ATRNL1: variants seen among roughly 807,000 people sequenced by gnomAD.
The protein encoded by ATRNL1 is attractin-like protein 1.
Under a neutral mutation model 182.7 loss-of-function variants are expected in ATRNL1, and 95 were observed. That is an observed-to-expected ratio of 0.52 (90% confidence interval 0.44 to 0.62). The LOEUF (loss-of-function observed/expected upper bound fraction) is 0.62. Ranked by LOEUF, ATRNL1 falls within the 20% of genes least tolerant of loss-of-function variation. The pLI is 0.00. For synonymous variants in ATRNL1, 576 were observed against 568.3 expected, an observed-to-expected ratio of 1.01 and a Z score of -0.19; for missense variants, 1,471 against 1,679.5, an observed-to-expected ratio of 0.88 and a Z score of 2.17.
At chr10:115,670,280 C>G (rs1161705769) in intron 26 of ATRNL1, among the ~76,000 whole-genome samples, 1 of 152,022 alleles carries the variant, frequency 6.6e-6, no homozygotes, top group Non-Finnish European at 1.5e-5. Context: ...ATAATAAATT[C>G]TATGTGTTTG....
intron 26 of ATRNL1, among the ~76,000 whole-genome samples, chr10:115,650,115 A>G (rs2133878647): frequency 6.6e-6 from 1 of 152,250 alleles, no homozygotes; most frequent in South Asian, 2.1e-4. Flanking sequence ...CAAGTTAGGT[A>G]GAAAGCCTTA....
At chr10:115,396,817 T>G (rs1844312738) in intron 20 of ATRNL1, among the ~76,000 whole-genome samples, 1 of 151,932 alleles carries the variant, frequency 6.6e-6, no homozygotes, top group South Asian at 2.1e-4. Flanking sequence ...AAAGCAGAAT[T>G]TTAATTCATT....
At position 115,948,955 on chromosome 10, in the gene ATRNL1, C is replaced by T. The variant is rs1026720236; in HGVS notation, c.*4176C>T. ...TGTTATAATATGCTGTTAATCAGGA[C>T]TTTATTAAATAAAAACATTGGCTCT... is the stretch of plus-strand genomic sequence containing the variant. On this transcript the variant is annotated 3_prime_UTR_variant, in exon 29 of 29. Coordinates refer to ENST00000355044, the MANE Select transcript of ATRNL1 (RefSeq NM_207303.4). 2.6e-5 allele frequency: 4 copies of T among 152,252 alleles called. No individual in the cohort carries two copies. The highest frequency in any genetic ancestry group is 9.6e-5 in the African/African-American group (4 of 41,568). 9.4% of individuals were successfully genotyped at this position (152,252 alleles called of 1,614,324 possible). A position where few individuals can be genotyped will look rare whatever the true frequency, so the allele number is the denominator to read the frequency against.
intron 5 of ATRNL1, among the ~76,000 whole-genome samples, chr10:115,135,305 A>G (rs1488388523): frequency 1.3e-5 from 2 of 152,198 alleles, no homozygotes; most frequent in East Asian, 3.9e-4. Context: ...TCAGCCCAAA[A>G]TCTCCTTAAG....
chr10:115,533,725 T>C (rs1415872705), intron 25 of ATRNL1, among the ~76,000 whole-genome samples: 50 of 148,440 alleles, frequency 3.4e-4, no homozygotes, highest in African/African-American at 7.5e-4. Context: ...TTTCCTGCTT[T>C]CTCTTGTGGG....
chr10:115,852,262 A>G (rs1368344889), intron 28 of ATRNL1, among the ~76,000 whole-genome samples: 1 of 152,186 alleles, frequency 6.6e-6, no homozygotes, highest in Admixed American at 6.5e-5. Context: ...CAGAAAGTCT[A>G]AGGTTTTGAA....
intron 5 of ATRNL1, among the ~76,000 whole-genome samples, chr10:115,138,086 G>T (rs536815518): frequency 1.3e-5 from 2 of 152,210 alleles, no homozygotes; most frequent in Non-Finnish European, 2.9e-5. Context: ...GCTCCAAAAT[G>T]ATCTCCTTTG....
intron 17 of ATRNL1, among the ~76,000 whole-genome samples, chr10:115,307,974 T>G (rs1853819570): frequency 1.3e-5 from 2 of 152,196 alleles, no homozygotes; most frequent in Admixed American, 1.3e-4. Context: ...TTTGAGTCTT[T>G]AAAATATTTT....
At chr10:115,688,673 TGTTGA>T (rs1946295969) in intron 26 of ATRNL1, among the ~76,000 whole-genome samples, 1 of 152,172 alleles carries the variant, frequency 6.6e-6, no homozygotes, top group Non-Finnish European at 1.5e-5. Context: ...TTTTTGAAAC[TGTTGA>T]GTTGTTTGAG....
intron 21 of ATRNL1, among the ~76,000 whole-genome samples, chr10:115,449,784 A>G (rs1847196031): frequency 6.6e-6 from 1 of 152,130 alleles, no homozygotes; most frequent in Non-Finnish European, 1.5e-5. Flanking sequence ...GGTCAGGGAA[A>G]ATGTTCTGTT....
chr10:115,778,324 G>C (rs557593247), intron 27 of ATRNL1, among the ~76,000 whole-genome samples: 1 of 150,622 alleles, frequency 6.6e-6, no homozygotes, highest in Non-Finnish European at 1.5e-5. Flanking sequence ...TATTAGAAGA[G>C]GTAAGGAAAA....
intron 8 of ATRNL1, among the ~76,000 whole-genome samples, chr10:115,197,621 T>C (rs141946091): frequency 6.6e-6 from 1 of 152,090 alleles, no homozygotes; most frequent in South Asian, 2.1e-4. Flanking sequence ...TATACAGTTG[T>C]CCCTCAGTAT....
chr10:115,894,104 G>A (rs1445638868), intron 28 of ATRNL1, among the ~76,000 whole-genome samples: 1 of 152,136 alleles, frequency 6.6e-6, no homozygotes, highest in Admixed American at 6.5e-5. Flanking sequence ...AAAGCCAGGT[G>A]TCTTCAACAT....
intron 24 of ATRNL1, among the ~76,000 whole-genome samples, chr10:115,513,780 G>A (rs1850505838): frequency 6.6e-6 from 1 of 151,842 alleles, no homozygotes; most frequent in African/African-American, 2.4e-5. Context: ...TCTATGGAAA[G>A]TCTCGGGTGG....
intron 24 of ATRNL1, among the ~76,000 whole-genome samples, chr10:115,478,739 G>T (rs1848636803): frequency 6.6e-6 from 1 of 150,824 alleles, no homozygotes; most frequent in Non-Finnish European, 1.5e-5. Context: ...TTTGAATTAG[G>T]GTAAAAAAAT....
intron 13 of ATRNL1, among the ~76,000 whole-genome samples, chr10:115,269,403 C>T (rs1392470049): frequency 2.0e-5 from 3 of 152,202 alleles, no homozygotes; most frequent in Admixed American, 6.6e-5. Context: ...GGCATGATCT[C>T]GGTTCACTGC....
chr10:115,217,565 TGA>T (rs758503871), intron 9 of ATRNL1, among the ~76,000 whole-genome samples: 93 of 152,244 alleles, frequency 6.1e-4, no homozygotes, highest in Middle Eastern at 3.4e-3. Context: ...AAAGTCAAAA[TGA>T]GAGATTCAGT....
At chr10:115,255,262 C>T (rs1851069751) in intron 10 of ATRNL1, among the ~76,000 whole-genome samples, 1 of 152,122 alleles carries the variant, frequency 6.6e-6, no homozygotes, top group South Asian at 2.1e-4. Flanking sequence ...TCTTCCTATC[C>T]ATGAACATGG....
chr10:115,166,211 C>T (rs782046791), intron 7 of ATRNL1, among the ~76,000 whole-genome samples: 11 of 152,046 alleles, frequency 7.2e-5, no homozygotes, highest in Non-Finnish European at 2.9e-5. Context: ...CAAGGATCAT[C>T]CATGTTGTAT....
Sources: gnomAD v4.1 joint callset for allele counts (sites outside exome capture counted in the v4.1 genomes callset) on GRCh38, gnomAD v4.1.1 for gene constraint, MANE v1.5 for transcripts, NCBI Gene and HGNC (gene_info 2026-07-23, HGNC 2026-07-21) for gene names.